The following ZNF711 variants were observed in gnomAD, a reference collection of about 807,000 sequenced individuals.
The protein encoded by ZNF711 is zinc finger protein 711.
A neutral mutation model predicts 43.5 loss-of-function variants in ZNF711; 3 were observed. That is an observed-to-expected ratio of 0.07 (90% CI 0.03 to 0.18). The LOEUF is 0.18. Among genes scored for constraint, ZNF711 ranks in the 10% least tolerant of loss-of-function variants. The probability of loss-of-function intolerance (pLI) is 1.00; values close to 1 mark genes in which losing one functional copy is unlikely to be tolerated. For missense variants in ZNF711, 412 were observed against 604.0 expected (o/e 0.68, Z 3.33); for synonymous variants, 209 against 207.7 (o/e 1.01, Z -0.06).
Position 85,264,418 on chromosome X carries a change from G to T in ZNF711, c.766G>T (p.Asp256Tyr). 8.3e-7 allele frequency: 1 copy of T among 1,204,056 alleles called. No homozygotes were observed. The highest frequency in any genetic ancestry group is 1.1e-6 in the Non-Finnish European group (1 of 891,301). ...VYIFKAEAED[D>Y]VEIGGTEIVT... ...TATATTTAAAGCGGAGGCTGAAGAT[G>T]ATGTTGAAATAGGTACAAACACTAA... The change falls in exon 6 of 11, where the codon GAT becomes TAT. Residue 256 changes from aspartate (D) to tyrosine (Y), a missense_variant. Asp to Tyr is a radical substitution (Grantham distance 160). Coordinates refer to ENST00000674551, the MANE Select transcript of ZNF711 (RefSeq NM_001330574.2).
chrX:85,271,866 T>A lies in ZNF711; in HGVS notation c.*38T>A. 9.1e-7 allele frequency: 1 copy of A among 1,100,711 alleles called. No homozygotes were observed. The highest frequency in any genetic ancestry group is 1.9e-5 in the South Asian group (1 of 53,195). 90.7% of individuals were successfully genotyped at this position (1,100,711 alleles called of 1,213,427 possible). ...AAAGAAAGAAGCTATTTAGGAGATATGATATGCTACTTGGGAGAAAACTCT... is the reference window on the plus strand; with the variant it reads ...AAAGAAAGAAGCTATTTAGGAGATAAGATATGCTACTTGGGAGAAAACTCT... On this transcript the variant is annotated 3_prime_UTR_variant, in exon 11 of 11. Transcript: ENST00000674551.
intron 4 of ZNF711, among the ~76,000 whole-genome samples, chrX:85,247,873 T>G (rs1168560506): frequency 9.0e-6 from 1 of 111,118 alleles, no homozygotes; most frequent in Non-Finnish European, 1.9e-5. Flanking sequence ...TGAAATATGG[T>G]GGTAATATGT....
intron 4 of ZNF711, among the ~76,000 whole-genome samples, chrX:85,253,764 G>GAC (rs756155292): frequency 0.099 from 8,967 of 90,366 alleles, 545 homozygotes; most frequent in African/African-American, 0.2. Flanking sequence ...TGTGTTCACA[G>GAC]ACACACACAC....
intron 1 of ZNF711, among the ~76,000 whole-genome samples, 179 bp downstream of exon 1, chrX:85,244,370 C>A (rs919679717): frequency 8.0e-5 from 9 of 111,921 alleles, no homozygotes; most frequent in Non-Finnish European, 1.3e-4. Flanking sequence ...TCTTCAGCCG[C>A]AGCCGGGGGC....
chrX:85,256,627 A>G (rs16980182), intron 5 of ZNF711, among the ~76,000 whole-genome samples: 23,711 of 110,224 alleles, frequency 0.22, 2,454 homozygotes, highest in African/African-American at 0.4. Flanking sequence ...GAAGTTTATC[A>G]CCAGGTAGAG....
chrX:85,270,982 C>T lies in ZNF711; in HGVS notation c.1578C>T (p.Tyr526=). The T allele has an allele frequency of 8.3e-7, 1 of 1,211,068 alleles. No homozygotes were observed. The highest frequency in any genetic ancestry group is 1.1e-6 in the Non-Finnish European group (1 of 895,186). ...AGCCGAAGATGCACAAGTGCAAATA[C>T]TGTGACTATGAAACTGCAGAACAAG... ...DKEPKMHKCK[Y]CDYETAEQGL... Residue 526 remains tyrosine (Y), a synonymous_variant, in exon 11 of 11, where the codon TAC becomes TAT. Coordinates refer to ENST00000674551, the MANE Select transcript of ZNF711 (RefSeq NM_001330574.2).
chrX:85,272,232 A>T lies in ZNF711; in HGVS notation c.*404A>T. The stretch of plus-strand genomic sequence containing the variant: ...AACCCACTTTTATGCAATTTTAGAA[A>T]TGGGGCAGGGAAACAAAATGTGGTC... On this transcript the variant is annotated 3_prime_UTR_variant, in exon 11 of 11. Coordinates refer to ENST00000674551, the MANE Select transcript of ZNF711 (RefSeq NM_001330574.2). 1 of 126,651 alleles carries T rather than the reference A, an allele frequency of 7.9e-6. No homozygotes were observed. Among genetic ancestry groups the T allele is most frequent in the Non-Finnish European group, 1.6e-5 (1 of 61,988 alleles). 10.4% of individuals were successfully genotyped at this position (126,651 alleles called of 1,213,427 possible).
At position 85,255,820 on chromosome X, in the gene ZNF711, C is replaced by A. The variant is rs1401386317; in HGVS notation, c.622+19C>A. 1.7e-6 allele frequency: 2 copies of A among 1,200,314 alleles called. No individual in the cohort carries two copies. Among genetic ancestry groups the A allele is most frequent in the East Asian group, 5.9e-5 (2 of 33,782 alleles). ...ATATCTTGTAAGTGAAACATAAAGC[C>A]CATAATTACTCAGGAGATTGATTTA... On this transcript the variant is annotated intron_variant, in intron 5 of 10. Coordinates refer to ENST00000674551, the MANE Select transcript of ZNF711 (RefSeq NM_001330574.2).
chrX:85,271,729 A>G lies in ZNF711; in HGVS notation c.2325A>G (p.Lys775=), dbSNP rs745365516. ...GACATGTGATATCAATACATACAAA[A>G]GACTATCCACACAGGTGTGAATTCT... The part of the protein sequence containing the change: ...FKRHVISIHT[K]DYPHRCEFCK... Residue 775 remains lysine, a synonymous_variant, in exon 11 of 11, where the codon AAA becomes AAG. Coordinates refer to ENST00000674551, the MANE Select transcript of ZNF711 (RefSeq NM_001330574.2). 28 of 1,209,744 alleles carry G rather than the reference A, an allele frequency of 2.3e-5. No homozygotes were observed. The South Asian group carries it at 4.4e-4, about 19-fold the overall frequency.
chrX:85,271,866 T>C lies in ZNF711; in HGVS notation c.*38T>C, dbSNP rs758841896. 3.7e-5 allele frequency: 41 copies of C among 1,099,054 alleles called. No homozygotes were observed. In the Admixed American group the frequency reaches 5.1e-4, roughly 14 times the overall value. The allele number at this position is 1,099,054 out of a possible 1,213,427, so 90.6% of individuals were successfully genotyped here. ...AAAGAAAGAAGCTATTTAGGAGATA[T>C]GATATGCTACTTGGGAGAAAACTCT... On this transcript the variant is annotated 3_prime_UTR_variant, in exon 11 of 11. Transcript: ENST00000674551.
At chrX:85,263,065 A>G (rs1033730023) in intron 5 of ZNF711, among the ~76,000 whole-genome samples, 1 of 110,568 alleles carries the variant, frequency 9.0e-6, no homozygotes, top group Non-Finnish European at 1.9e-5. Context: ...TATATATAAT[A>G]AGGAGGAGTA....
At position 85,247,671 on chromosome X, in the gene ZNF711, G is replaced by A; in HGVS notation, c.79+20G>A. The A allele has an allele frequency of 1.7e-6, 2 of 1,179,885 alleles. No homozygotes were observed. The highest frequency in any genetic ancestry group is 2.3e-6 in the Non-Finnish European group (2 of 867,106). The stretch of plus-strand genomic sequence containing the variant: ...ATTTTGGTAAAGCATTTTCTTTGTT[G>A]TATTTTTTTCTTTTTTAGAAGTAAG... On this transcript the variant is annotated intron_variant, in intron 4 of 10. Transcript: ENST00000674551.
intron 2 of ZNF711, among the ~76,000 whole-genome samples, chrX:85,246,596 A>C (rs1039639834): frequency 1.1e-4 from 12 of 112,170 alleles, no homozygotes; most frequent in Non-Finnish European, 2.1e-4. Flanking sequence ...GTCCTACGTG[A>C]AAAGGAGATA....
intron 8 of ZNF711, 69 bp from the exon 9 acceptor site, chrX:85,268,225 C>T (rs1295983072): frequency 2.8e-6 from 3 of 1,087,787 alleles, no homozygotes; most frequent in Non-Finnish European, 3.7e-6. Flanking sequence ...AAGATGTGAT[C>T]CACTAGTAGT....
chrX:85,264,522 G>A lies in ZNF711; in HGVS notation c.778+92G>A, dbSNP rs1364867827. ...AGTCTAAAAATGTTCTCAAAGCATG[G>A]GTTTTTTTAATACGTTTTCTTTGGG... On this transcript the variant is annotated intron_variant, in intron 6 of 10. Transcript: ENST00000674551. 4 of 857,387 alleles carry A rather than the reference G, an allele frequency of 4.7e-6. No individual in the cohort carries two copies. The East Asian group carries it at 1.0e-4, about 22-fold the overall frequency. The allele number at this position is 857,387 out of a possible 1,213,427, so 70.7% of individuals were successfully genotyped here. A position where few individuals can be genotyped will look rare whatever the true frequency, so the allele number is the denominator to read the frequency against.
At position 85,261,204 on chromosome X, in the gene ZNF711, T is replaced by G. The variant is rs1273109797; in HGVS notation, c.623-3071T>G. On this transcript the variant is annotated intron_variant, in intron 5 of 10. Coordinates refer to ENST00000674551, the MANE Select transcript of ZNF711 (RefSeq NM_001330574.2). ...AATTCAAACCTATGTTATTCAAGGG[T>G]CAACTGTACTTCATTCAGTATTACT... 2.7e-5 allele frequency among the ~76,000 whole-genome samples: 3 copies of G among 110,716 alleles called. No homozygotes were observed. In the Admixed American group the frequency reaches 2.9e-4, roughly 11 times the overall value.
At chrX:85,245,139 ATAC>A (rs756940821) in intron 1 of ZNF711, among the ~76,000 whole-genome samples, 4 of 111,951 alleles carry the variant, frequency 3.6e-5, no homozygotes, top group African/African-American at 9.8e-5. Flanking sequence ...ATCTCTGCAA[ATAC>A]TACTTTCGCA....
In ZNF711 at chrX:85,247,581, AG is replaced by A; in HGVS notation, c.11del (p.Gly4AlafsTer18). 8.3e-7 allele frequency: 1 copy of A among 1,207,595 alleles called. No homozygotes were observed. The highest frequency in any genetic ancestry group is 1.1e-6 in the Non-Finnish European group (1 of 892,628). MDS[G>X]GGSLGLHTPD... ...AATGAACTTTGCTAAGTATGGATTC[AG>A]GCGGTGGAAGTCTTGGATTGCACAC... On this transcript the variant is annotated frameshift_variant, in exon 4 of 11. Transcript: ENST00000674551. LOFTEE classifies it high-confidence loss of function.
Position 85,271,324 on chromosome X carries a change from T to C in ZNF711, c.1920T>C (p.His640=), listed in dbSNP as rs889962430. 2 of 1,210,584 alleles carry C rather than the reference T, an allele frequency of 1.7e-6. No homozygotes were observed. Among genetic ancestry groups the C allele is most frequent in the Non-Finnish European group, 2.2e-6 (2 of 894,927 alleles). The change falls in exon 11 of 11, where the codon CAT becomes CAC. Residue 640 remains histidine (H), a synonymous_variant. Coordinates refer to ENST00000674551, the MANE Select transcript of ZNF711 (RefSeq NM_001330574.2). ...GACATAAGACACACCAGTGTCCTCA[T>C]TGTGACCATAAGAGCACCAATTCAA... ...FQGHKTHQCP[H]CDHKSTNSSD...
Sources: gnomAD v4.1 joint callset for allele counts (sites outside exome capture counted in the v4.1 genomes callset) on GRCh38, gnomAD v4.1.1 for gene constraint, MANE v1.5 for transcripts, NCBI Gene and HGNC (gene_info 2026-07-23, HGNC 2026-07-21) for gene names.